The following MAPK4 variants were observed in gnomAD, a reference collection of about 807,000 sequenced individuals.
The protein encoded by MAPK4 is mitogen-activated protein kinase 4, also known as Erk3-related.
Under a neutral mutation model 47.7 loss-of-function variants are expected in MAPK4, and 22 were observed. That is an observed-to-expected ratio of 0.46 (90% CI 0.33 to 0.66). The LOEUF (loss-of-function observed/expected upper bound fraction) is 0.66. MAPK4 is among the 30% of genes least tolerant of loss of function. MAPK4 has a pLI of 0.02. For missense variants in MAPK4, 736 were observed against 831.7 expected, an observed-to-expected ratio of 0.88 and a Z score of 1.42; for synonymous variants, 390 against 365.7, an observed-to-expected ratio of 1.07 and a Z score of -0.76.
Position 50,729,410 on chromosome 18 carries a change from G to C in MAPK4, c.1320G>C (p.Lys440Asn), listed in dbSNP as rs777010622. 1.3e-6 allele frequency: 2 copies of C among 1,556,742 alleles called. No homozygotes were observed. Among genetic ancestry groups the C allele is most frequent in the Admixed American group, 1.9e-5 (1 of 52,800 alleles). The change falls in exon 6 of 6, where the codon AAG (lysine) becomes AAC (asparagine). Residue 440 changes from lysine (K) to asparagine (N), a missense_variant. By Grantham distance (94) the Lys-to-Asn change is moderately conservative. Coordinates refer to ENST00000400384, the MANE Select transcript of MAPK4 (RefSeq NM_002747.4). The part of the protein sequence containing the change: ...YKVGSPSYLD[K>N]LLWRDNKPHH... ...TGGGGTCGCCGTCCTACCTGGACAA[G>C]CTGCTGTGGCGCGACAACAAGCCGC... is the stretch of plus-strand genomic sequence containing the variant.
intron 2 of MAPK4, among the ~76,000 whole-genome samples, chr18:50,685,834 C>G (rs143726006): frequency 6.6e-6 from 1 of 152,000 alleles, no homozygotes; most frequent in Non-Finnish European, 1.5e-5. Flanking sequence ...TACTGACACT[C>G]GGTACACGCA....
At chr18:50,691,029 G>A (rs1695878072) in intron 2 of MAPK4, among the ~76,000 whole-genome samples, 1 of 151,908 alleles carries the variant, frequency 6.6e-6, no homozygotes, top group South Asian at 2.1e-4. Context: ...GTCTCGCTGT[G>A]TCGCCCAGGC....
At chr18:50,575,223 G>T (rs1325344335) in intron 1 of MAPK4, among the ~76,000 whole-genome samples, 2 of 152,220 alleles carry the variant, frequency 1.3e-5, no homozygotes, top group Non-Finnish European at 2.9e-5. Flanking sequence ...TCTGGAGGAT[G>T]CAGGGTTCAA....
chr18:50,729,293 G>A lies in MAPK4; in HGVS notation c.1203G>A (p.Ser401=), dbSNP rs373760952. 417 of 1,608,342 alleles carry A rather than the reference G, an allele frequency of 2.6e-4. 1 individual carries two copies. Among genetic ancestry groups the A allele is most frequent in the Non-Finnish European group, 2.2e-4 (254 of 1,177,538 alleles). ...EDVQVDPRKD[S]HSSSERFLEQ... The stretch of plus-strand genomic sequence containing the variant: ...TGCAGGTGGACCCGCGCAAGGACTC[G>A]CACAGCAGCTCCGAGCGCTTCCTAG... Residue 401 remains serine, a synonymous_variant, in exon 6 of 6, where the codon TCG becomes TCA. Transcript: ENST00000400384.
rs1051798297 is a variant in MAPK4, at chr18:50,654,716, C to T, written c.-870-8373C>T. ...ACTCAGCCTTCAGCCTGGGCAGGGG[C>T]CTTTGTGCAGCTGGTGCTATGCCCG... On this transcript the variant is annotated intron_variant, in intron 1 of 5. Transcript: ENST00000400384. Among the ~76,000 whole-genome samples the T allele has an allele frequency of 3.3e-5, 5 of 152,198 alleles. No homozygotes were observed. In the East Asian group the frequency reaches 9.6e-4, roughly 29 times the overall value.
At chr18:50,566,576 C>G (rs2042200031) in intron 1 of MAPK4, among the ~76,000 whole-genome samples, 2 of 152,228 alleles carry the variant, frequency 1.3e-5, no homozygotes, top group South Asian at 4.1e-4. Flanking sequence ...TAACTTGTCT[C>G]ATTTCCAGGG....
At chr18:50,597,066 C>T (rs2042488823) in intron 1 of MAPK4, among the ~76,000 whole-genome samples, 1 of 152,126 alleles carries the variant, frequency 6.6e-6, no homozygotes, top group Admixed American at 6.5e-5. Flanking sequence ...TAACCATTAC[C>T]CCAGTTAAGA....
intron 1 of MAPK4, among the ~76,000 whole-genome samples, chr18:50,611,774 G>A (rs936315474): frequency 6.6e-6 from 1 of 152,202 alleles, no homozygotes; most frequent in Admixed American, 6.5e-5. Flanking sequence ...GCAAGATGCA[G>A]GAACACTGGA....
intron 1 of MAPK4, among the ~76,000 whole-genome samples, chr18:50,651,964 C>T (rs1404804223): frequency 2.0e-5 from 3 of 152,248 alleles, no homozygotes; most frequent in African/African-American, 7.2e-5. Flanking sequence ...CCAGCCCCTA[C>T]AGCCCACTTA....
intron 1 of MAPK4, among the ~76,000 whole-genome samples, chr18:50,640,691 C>T (rs192661012): frequency 6.6e-6 from 1 of 152,192 alleles, no homozygotes; most frequent in Non-Finnish European, 1.5e-5. Context: ...GTCTCGAACT[C>T]CTGACCTCAG....
chr18:50,572,473 C>T (rs1204028711), intron 1 of MAPK4, among the ~76,000 whole-genome samples: 3 of 152,154 alleles, frequency 2.0e-5, no homozygotes, highest in African/African-American at 7.2e-5. Flanking sequence ...GTTAAAAGCT[C>T]AAAGTCTTGT....
chr18:50,686,055 T>C (rs1483233283), intron 2 of MAPK4, among the ~76,000 whole-genome samples: 4 of 151,448 alleles, frequency 2.6e-5, no homozygotes, highest in African/African-American at 7.4e-5. Flanking sequence ...GAGGTGATGG[T>C]AGAGACTGGA....
intron 1 of MAPK4, among the ~76,000 whole-genome samples, chr18:50,622,102 G>C (rs542889108): frequency 1.3e-5 from 2 of 152,194 alleles, no homozygotes; most frequent in Admixed American, 6.5e-5. Context: ...CAACCATTGA[G>C]AGGACAAATC....
chr18:50,680,603 C>T (rs1265974378), intron 2 of MAPK4, among the ~76,000 whole-genome samples: 2 of 152,084 alleles, frequency 1.3e-5, no homozygotes, highest in Non-Finnish European at 2.9e-5. Context: ...CATCCCCCAA[C>T]CTTAGACAAC....
At chr18:50,623,212 C>A (rs1442865565) in intron 1 of MAPK4, among the ~76,000 whole-genome samples, 1 of 152,184 alleles carries the variant, frequency 6.6e-6, no homozygotes, top group Non-Finnish European at 1.5e-5. Context: ...GAGGTAAATT[C>A]CCTGAAGTCT....
intron 2 of MAPK4, among the ~76,000 whole-genome samples, chr18:50,682,666 A>T (rs1043403346): frequency 6.6e-6 from 1 of 152,252 alleles, no homozygotes; most frequent in African/African-American, 2.4e-5. Flanking sequence ...CATTTTGGAA[A>T]ATGATTTGGC....
chr18:50,566,213 A>C (rs931492792), intron 1 of MAPK4, among the ~76,000 whole-genome samples: 1 of 152,204 alleles, frequency 6.6e-6, no homozygotes, highest in Non-Finnish European at 1.5e-5. Context: ...CTTTTAAAGC[A>C]TTGCTAGTCT....
intron 1 of MAPK4, among the ~76,000 whole-genome samples, chr18:50,579,401 A>G (rs903853974): frequency 2.0e-5 from 3 of 152,152 alleles, no homozygotes; most frequent in African/African-American, 7.2e-5. Context: ...TTTCAAGGAA[A>G]ATGAAGTTTA....
intron 1 of MAPK4, among the ~76,000 whole-genome samples, chr18:50,607,189 G>T (rs1052146540): frequency 7.2e-5 from 11 of 152,136 alleles, no homozygotes; most frequent in African/African-American, 2.7e-4. Flanking sequence ...ATGGGGCCAG[G>T]GGGGAGGGGA....
Sources: allele counts gnomAD v4.1 joint callset (sites outside exome capture counted in the v4.1 genomes callset), GRCh38; gene constraint gnomAD v4.1.1; transcripts MANE v1.5; gene names NCBI Gene and HGNC (gene_info 2026-07-23, HGNC 2026-07-21).